Variants in STON2 observed in about 807,000 individuals in gnomAD.
STON2 encodes stonin-2.
STON2 carries 29 observed loss-of-function variants against 65.7 expected under a neutral mutation model. The observed-to-expected ratio is 0.44, with a 90% CI of 0.33 to 0.60. STON2 has a LOEUF of 0.60. STON2 is among the 20% of genes least tolerant of loss of function. The pLI is 0.03. For synonymous variants in STON2, 404 were observed against 414.2 expected, an observed-to-expected ratio of 0.98 and a Z score of 0.30; for missense variants, 1,054 against 1,118.1, an observed-to-expected ratio of 0.94 and a Z score of 0.82.
At chr14:81,270,372 A>C (rs1207269044) in intron 7 of STON2, 19 of 1,355,734 alleles carry the variant, frequency 1.4e-5, no homozygotes, top group Non-Finnish European at 1.8e-5. Context: ...GGTGTGAGCC[A>C]CTGTGCCTGG....
intron 1 of STON2, among the ~76,000 whole-genome samples, chr14:81,434,307 C>T (rs943668661): frequency 1.3e-5 from 2 of 152,200 alleles, no homozygotes; most frequent in African/African-American, 4.8e-5. Flanking sequence ...TGGCTCTGAA[C>T]TCAGAAGTCT....
At chr14:81,345,551 C>T (rs1566919371) in intron 4 of STON2, among the ~76,000 whole-genome samples, 1 of 152,150 alleles carries the variant, frequency 6.6e-6, no homozygotes, top group Non-Finnish European at 1.5e-5. Context: ...GGCTGGGGCC[C>T]AGGAGTTCGA....
chr14:81,305,328 T>C (rs750818223), intron 5 of STON2, among the ~76,000 whole-genome samples: 2 of 152,222 alleles, frequency 1.3e-5, no homozygotes, highest in Non-Finnish European at 2.9e-5. Context: ...TCCCACCCAC[T>C]GTGTATATGT....
intron 2 of STON2, among the ~76,000 whole-genome samples, chr14:81,426,288 C>T (rs1343800231): frequency 6.6e-6 from 1 of 152,138 alleles, no homozygotes; most frequent in Admixed American, 6.5e-5. Context: ...AAAGAAAATG[C>T]CAATGGGTCC....
chr14:81,282,691 T>C (rs1595289628), intron 5 of STON2, among the ~76,000 whole-genome samples: 1 of 152,326 alleles, frequency 6.6e-6, no homozygotes, highest in East Asian at 1.9e-4. Context: ...GCAATGTTCC[T>C]TACAAAATAA....
upstream of STON2, among the ~76,000 whole-genome samples, chr14:81,404,302 T>G (rs1183889836): frequency 1.3e-5 from 2 of 152,150 alleles, no homozygotes; most frequent in Non-Finnish European, 2.9e-5. Context: ...GTTCCTTAAG[T>G]GTAAAATATA....
chr14:81,348,095 A>G (rs777233722), intron 4 of STON2, among the ~76,000 whole-genome samples: 3 of 152,092 alleles, frequency 2.0e-5, no homozygotes, highest in Non-Finnish European at 2.9e-5. Context: ...AAAACTCTCA[A>G]CAAATAAGGC....
At chr14:81,385,617 G>A (rs1384032223) in intron 3 of STON2, among the ~76,000 whole-genome samples, 5 of 152,134 alleles carry the variant, frequency 3.3e-5, no homozygotes, top group African/African-American at 4.8e-5. Flanking sequence ...CACTGAGGGC[G>A]CCATCCTTCA....
At position 81,264,475 on chromosome 14, in the gene STON2, C is replaced by A. The variant is rs888095825; in HGVS notation, c.*3939G>T. ...CATGAGTATACGTTTGCCCTCCTGGCAAGCATTTAAGGTGGCTGAACCCTA... is the reference window on the plus strand; with the variant it reads ...CATGAGTATACGTTTGCCCTCCTGGAAAGCATTTAAGGTGGCTGAACCCTA... On this transcript the variant is annotated 3_prime_UTR_variant, in exon 8 of 8. Transcript: ENST00000614646. 1 of 985,396 alleles carries A rather than the reference C, an allele frequency of 1.0e-6. No homozygotes were observed. Among genetic ancestry groups the A allele is most frequent in the South Asian group, 4.7e-5 (1 of 21,286 alleles). 61.0% of individuals were successfully genotyped at this position (985,396 alleles called of 1,614,324 possible). A position where few individuals can be genotyped will look rare whatever the true frequency, so the allele number is the denominator to read the frequency against.
At chr14:81,399,036 C>T (rs1373004933) in intron 1 of STON2, among the ~76,000 whole-genome samples, 1 of 152,198 alleles carries the variant, frequency 6.6e-6, no homozygotes, top group Non-Finnish European at 1.5e-5. Context: ...CTGGCAGAAA[C>T]CCAACAATCT....
intron 5 of STON2, among the ~76,000 whole-genome samples, chr14:81,280,572 CAT>C (rs1254935310): frequency 6.6e-6 from 1 of 152,178 alleles, no homozygotes; most frequent in Non-Finnish European, 1.5e-5. Flanking sequence ...CATCTTCATG[CAT>C]ATCACATCCA....
chr14:81,418,440 G>A (rs1231582710), intron 2 of STON2, among the ~76,000 whole-genome samples: 1 of 152,168 alleles, frequency 6.6e-6, no homozygotes, highest in Non-Finnish European at 1.5e-5. Context: ...GTATCAGAAA[G>A]CGACAAGCAT....
intron 2 of STON2, among the ~76,000 whole-genome samples, chr14:81,408,610 T>G (rs1390725535): frequency 1.3e-5 from 2 of 152,258 alleles, no homozygotes; most frequent in Non-Finnish European, 2.9e-5. Context: ...TGTACATGCA[T>G]ACATATATGT....
chr14:81,423,309 A>G (rs142083959), intron 2 of STON2, among the ~76,000 whole-genome samples: 225 of 152,308 alleles, frequency 1.5e-3, no homozygotes, highest in African/African-American at 5.1e-3. Context: ...TCTTTGAGTT[A>G]TAATTTAAGC....
At chr14:81,434,746 A>G (rs930861122) in intron 1 of STON2, among the ~76,000 whole-genome samples, 1 of 152,188 alleles carries the variant, frequency 6.6e-6, no homozygotes, top group East Asian at 1.9e-4. Flanking sequence ...GGTCCGCTAC[A>G]TGTCGATATT....
rs186401111 is a variant in STON2 at position 81,295,931 on chromosome 14, T to C, written c.743-17192A>G. ...CCCCAGATAATCAATGTCACCATCA[T>C]AATGTGTGTTTCCTTCAAGCAGTCT... On this transcript the variant is annotated intron_variant, in intron 5 of 7. Coordinates refer to ENST00000614646, the MANE Select transcript of STON2 (RefSeq NM_001394390.1). Among the ~76,000 whole-genome samples the C allele has an allele frequency of 1.4e-4, 21 of 152,320 alleles. 1 individual carries two copies. In the East Asian group the frequency reaches 3.7e-3, roughly 27 times the overall value.
At chr14:81,415,709 G>A (rs1681768503) in intron 2 of STON2, among the ~76,000 whole-genome samples, 3 of 149,190 alleles carry the variant, frequency 2.0e-5, no homozygotes, top group Admixed American at 1.3e-4. Context: ...AATTCCTATA[G>A]CTGCCTTGCA....
intron 6 of STON2, among the ~76,000 whole-genome samples, chr14:81,275,523 C>T (rs1179392369): frequency 6.6e-6 from 1 of 152,068 alleles, no homozygotes; most frequent in Non-Finnish European, 1.5e-5. Flanking sequence ...TCTGTCAATT[C>T]AGAGGGGCCC....
rs532954010 is a variant in STON2, at chr14:81,413,074, G to A, written c.-199+14028C>T. 2.6e-5 allele frequency: 27 copies of A among 1,047,324 alleles called. 9 individuals carry two copies. In the East Asian group the frequency reaches 7.8e-4, roughly 30 times the overall value. 64.9% of individuals were successfully genotyped at this position (1,047,324 alleles called of 1,614,324 possible). A position where few individuals can be genotyped will look rare whatever the true frequency, so the allele number is the denominator to read the frequency against. ...AGGCGCTGGAGAAATACAACAAAGA[G>A]AGGAACACTGTGGCTCATATCAAGA... On this transcript the variant is annotated intron_variant, in intron 2 of 8. Transcript: ENST00000553821.
Sources: gnomAD v4.1 joint callset for allele counts (sites outside exome capture counted in the v4.1 genomes callset) on GRCh38, gnomAD v4.1.1 for gene constraint, MANE v1.5 for transcripts, NCBI Gene and HGNC (gene_info 2026-07-23, HGNC 2026-07-21) for gene names.